RARS1: variants seen among roughly 807,000 people sequenced by gnomAD.
RARS1 encodes arginine--tRNA ligase, cytoplasmic.
In RARS1, 75 loss-of-function variants were observed where a neutral mutation model predicts 78.7. That is an observed-to-expected ratio of 0.95 (90% CI 0.79 to 1.15). The LOEUF is 1.15. Among genes scored for constraint, RARS1 ranks in the 50% most tolerant of loss-of-function variants. The pLI, the probability that RARS1 is intolerant of heterozygous loss-of-function variation, is 0.00. For synonymous variants in RARS1, 273 were observed against 268.2 expected (o/e 1.02, Z -0.18); for missense variants, 787 against 787.5 (o/e 1.00, Z 0.01).
intron 9 of RARS1, among the ~76,000 whole-genome samples, chr5:168,503,579 A>G (rs547686363): frequency 6.7e-5 from 10 of 150,126 alleles, no homozygotes; most frequent in African/African-American, 2.5e-4. Context: ...GTAACTTCAT[A>G]TTTTTTGTTG....
chr5:168,489,299 G>A (rs975519547), intron 2 of RARS1, among the ~76,000 whole-genome samples: 9 of 152,006 alleles, frequency 5.9e-5, no homozygotes, highest in Admixed American at 1.3e-4. Context: ...GGAATTACAA[G>A]TATAACCTAC....
In RARS1 at chr5:168,504,708, C is replaced by G. The variant is rs113486302; in HGVS notation, c.1058-1313C>G. On this transcript the variant is annotated intron_variant, in intron 9 of 14. Coordinates refer to ENST00000231572, the MANE Select transcript of RARS1 (RefSeq NM_002887.4). Reference sequence around the variant, plus strand: ...GGCGTGTTGGCAGGTGCCTGTATTCCCAGCTACTCGGGAGGCTGAGGCAGG... The same window carrying G: ...GGCGTGTTGGCAGGTGCCTGTATTCGCAGCTACTCGGGAGGCTGAGGCAGG... 1.6e-4 allele frequency among the ~76,000 whole-genome samples: 24 copies of G among 151,802 alleles called. 1 individual carries two copies. Among genetic ancestry groups the G allele is most frequent in the African/African-American group, 5.3e-4 (22 of 41,350 alleles).
At chr5:168,499,058 C>T (rs1447471627) in intron 7 of RARS1, among the ~76,000 whole-genome samples, 2 of 152,052 alleles carry the variant, frequency 1.3e-5, no homozygotes, top group Non-Finnish European at 2.9e-5. Context: ...TGGCTCATGC[C>T]TGTAATCCTA....
chr5:168,492,920 T>C (rs1434929962), intron 3 of RARS1, 73 bp downstream of exon 3: 1 of 1,281,416 alleles, frequency 7.8e-7, no homozygotes, highest in Non-Finnish European at 1.1e-6. Context: ...TTTACAGAAA[T>C]AATACTATTA....
In RARS1 at chr5:168,488,797, C is replaced by G. The variant is rs680677; in HGVS notation, c.180+61C>G. ...TGAATCATTATAGCTTTTTTAAAGC[C>G]TTTGTTACCAAAGATTCTGGAAGTA... On this transcript the variant is annotated intron_variant, in intron 2 of 14. Transcript: ENST00000231572. The G allele has an allele frequency of 0.015, 22,115 of 1,485,770 alleles. 254 individuals carry two copies. The highest frequency in any genetic ancestry group is 0.016 in the Non-Finnish European group (17,690 of 1,106,498). The allele number at this position is 1,485,770 out of a possible 1,614,324, so 92.0% of individuals were successfully genotyped here.
intron 6 of RARS1, chr5:168,496,986 G>C (rs1196307683): frequency 1.5e-5 from 5 of 339,406 alleles, no homozygotes; most frequent in Non-Finnish European, 2.1e-5. Context: ...GCAAATTCTG[G>C]ATGCCTGCCT....
intron 7 of RARS1, among the ~76,000 whole-genome samples, chr5:168,499,634 G>A (rs1436425844): frequency 2.6e-5 from 4 of 151,632 alleles, no homozygotes; most frequent in South Asian, 2.1e-4. Flanking sequence ...TCTGTACTTC[G>A]AATATAATGA....
chr5:168,496,584 G>A (rs959411568), intron 6 of RARS1, among the ~76,000 whole-genome samples: 1 of 151,558 alleles, frequency 6.6e-6, no homozygotes, highest in Admixed American at 6.6e-5. Context: ...CTGGGTTCAC[G>A]CCATTCTCCT....
intron 12 of RARS1, among the ~76,000 whole-genome samples, chr5:168,511,198 T>A (rs1490628826): frequency 2.1e-5 from 3 of 139,732 alleles, no homozygotes; most frequent in East Asian, 5.1e-4. Flanking sequence ...AAGAAAAATT[T>A]TTTTTTTTTT....
At chr5:168,514,852 C>T (rs1442332121) in intron 12 of RARS1, among the ~76,000 whole-genome samples, 2 of 152,200 alleles carry the variant, frequency 1.3e-5, no homozygotes, top group African/African-American at 4.8e-5. Context: ...CTTTGACTTT[C>T]ATGACCTCAA....
intron 12 of RARS1, among the ~76,000 whole-genome samples, chr5:168,514,335 T>C (rs891035535): frequency 6.6e-6 from 1 of 152,190 alleles, no homozygotes; most frequent in Admixed American, 6.5e-5. Flanking sequence ...TTTTTGGTAC[T>C]CCAAGTACAT....
At chr5:168,514,651 A>G (rs1758628914) in intron 12 of RARS1, among the ~76,000 whole-genome samples, 1 of 152,250 alleles carries the variant, frequency 6.6e-6, no homozygotes, top group Non-Finnish European at 1.5e-5. Context: ...ATAGCTATAT[A>G]GTATGATTAT....
chr5:168,494,527 A>G, intron 4 of RARS1, 23 bp from the exon 5 acceptor site: 2 of 1,605,456 alleles, frequency 1.2e-6, no homozygotes, highest in Middle Eastern at 1.8e-4. Context: ...AGTATCTGAT[A>G]TTTTTTCTCT....
chr5:168,502,249 C>T (rs867745927), intron 9 of RARS1, 144 bp downstream of exon 9: 2 of 1,159,106 alleles, frequency 1.7e-6, no homozygotes, highest in African/African-American at 1.6e-5. Flanking sequence ...TGTATCTATA[C>T]CTTCTTACAC....
chr5:168,491,924 T>G (rs1308961149), intron 2 of RARS1, among the ~76,000 whole-genome samples: 1 of 149,502 alleles, frequency 6.7e-6, no homozygotes, highest in Non-Finnish European at 1.5e-5. Flanking sequence ...TATCTTCTAT[T>G]AAAAGCATAT....
intron 2 of RARS1, among the ~76,000 whole-genome samples, chr5:168,488,938 C>G (rs1380831456): frequency 6.6e-6 from 1 of 152,208 alleles, no homozygotes; most frequent in Non-Finnish European, 1.5e-5. Flanking sequence ...TCCTGTCCTT[C>G]AGGACTCTTT....
At chr5:168,504,645 G>A (rs990028293) in intron 9 of RARS1, among the ~76,000 whole-genome samples, 4 of 151,918 alleles carry the variant, frequency 2.6e-5, no homozygotes, top group African/African-American at 9.7e-5. Context: ...CTAACACGGT[G>A]AAACCCCGTC....
At chr5:168,509,917 G>A (rs1561826641) in intron 11 of RARS1, among the ~76,000 whole-genome samples, 1 of 152,154 alleles carries the variant, frequency 6.6e-6, no homozygotes, top group Admixed American at 6.5e-5. Flanking sequence ...GTTACAGTGA[G>A]CTGTGGTCAT....
intron 2 of RARS1, among the ~76,000 whole-genome samples, chr5:168,492,072 A>G (rs1049480276): frequency 1.3e-5 from 2 of 151,710 alleles, no homozygotes; most frequent in Admixed American, 6.6e-5. Flanking sequence ...TGGTAGAGAC[A>G]GATAGTTTTG....
Sources: allele counts gnomAD v4.1 joint callset (sites outside exome capture counted in the v4.1 genomes callset), GRCh38; gene constraint gnomAD v4.1.1; transcripts MANE v1.5; gene names NCBI Gene and HGNC (gene_info 2026-07-23, HGNC 2026-07-21).